PXDNL: variants seen among roughly 807,000 people sequenced by gnomAD.
PXDNL encodes probable oxidoreductase PXDNL.
In PXDNL, 145 loss-of-function variants were observed where a neutral mutation model predicts 150.8. The observed-to-expected ratio is 0.96, with a 90% confidence interval of 0.84 to 1.10. The LOEUF is 1.10. Ranked by LOEUF, PXDNL falls within the 50% of genes least tolerant of loss-of-function variation. PXDNL has a pLI of 0.00. For synonymous variants in PXDNL, 757 were observed against 725.7 expected (o/e 1.04, Z -0.69); for missense variants, 2,087 against 1,873.9 (o/e 1.11, Z -2.10).
At chr8:51,710,257 C>T (rs1388486857) in intron 1 of PXDNL, among the ~76,000 whole-genome samples, 1 of 152,150 alleles carries the variant, frequency 6.6e-6, no homozygotes, top group Non-Finnish European at 1.5e-5. Context: ...AAATAGATTT[C>T]TCCTTCCATT....
At chr8:51,540,184 C>T (rs1812182550) in intron 4 of PXDNL, among the ~76,000 whole-genome samples, 1 of 152,142 alleles carries the variant, frequency 6.6e-6, no homozygotes, top group African/African-American at 2.4e-5. Flanking sequence ...TGGTGTGAGC[C>T]ACTGAGTCTG....
At chr8:51,407,971 C>T in intron 17 of PXDNL, 96 bp downstream of exon 17, 1 of 1,027,776 alleles carries the variant, frequency 9.7e-7, no homozygotes, top group Non-Finnish European at 1.4e-6. Context: ...CTCTGCAGCA[C>T]CCCCAGGGAA....
intron 2 of PXDNL, among the ~76,000 whole-genome samples, chr8:51,613,230 A>T (rs1814055101): frequency 6.6e-6 from 1 of 152,010 alleles, no homozygotes; most frequent in Admixed American, 6.6e-5. Context: ...ATGTATATAT[A>T]TGGCCAGAGG....
chr8:51,690,320 T>C (rs1815967429), intron 1 of PXDNL, among the ~76,000 whole-genome samples: 1 of 152,048 alleles, frequency 6.6e-6, no homozygotes, highest in Admixed American at 6.6e-5. Flanking sequence ...TCCCTCCCCC[T>C]TCCCCACACC....
chr8:51,642,033 A>AG (rs71237225), intron 2 of PXDNL, among the ~76,000 whole-genome samples: 15 of 152,052 alleles, frequency 9.9e-5, no homozygotes, highest in Non-Finnish European at 1.6e-4. Flanking sequence ...GCCATAAAAA[A>AG]GGATGAGTTC....
At chr8:51,700,333 A>G (rs1337976335) in intron 1 of PXDNL, among the ~76,000 whole-genome samples, 1 of 152,030 alleles carries the variant, frequency 6.6e-6, no homozygotes, top group African/African-American at 2.4e-5. Flanking sequence ...AAATACACAC[A>G]TATACACACA....
At chr8:51,555,681 A>G (rs1812584175) in intron 4 of PXDNL, among the ~76,000 whole-genome samples, 1 of 152,204 alleles carries the variant, frequency 6.6e-6, no homozygotes, top group Non-Finnish European at 1.5e-5. Context: ...GCCAATACTT[A>G]AAAACAGTCT....
At chr8:51,775,417 A>G (rs541362707) in intron 1 of PXDNL, among the ~76,000 whole-genome samples, 1 of 152,324 alleles carries the variant, frequency 6.6e-6, no homozygotes, top group African/African-American at 2.4e-5. Flanking sequence ...TCCACATGGA[A>G]TACATTTCTC....
chr8:51,762,517 C>A (rs2037176485), intron 1 of PXDNL, among the ~76,000 whole-genome samples: 1 of 152,188 alleles, frequency 6.6e-6, no homozygotes, highest in South Asian at 2.1e-4. Flanking sequence ...CTCCACAATC[C>A]TTTATCTTTA....
chr8:51,652,396 CTCTCTCTCTTACTGTCTGTCTCTCTG>C (rs1175552639), intron 2 of PXDNL, among the ~76,000 whole-genome samples: 1 of 151,386 alleles, frequency 6.6e-6, no homozygotes, highest in African/African-American at 2.4e-5. Context: ...CTCTCTCTCT[CTCTCTCTCTTACTGTCTGTCTCTCTG>C]TCTCTCTCTC....
chr8:51,764,497 T>C (rs149215403), intron 1 of PXDNL, among the ~76,000 whole-genome samples: 79 of 152,218 alleles, frequency 5.2e-4, no homozygotes, highest in African/African-American at 1.8e-3. Context: ...AGTGTTGTTA[T>C]GTTTTTACTT....
intron 4 of PXDNL, among the ~76,000 whole-genome samples, chr8:51,552,781 T>C (rs974132298): frequency 2.6e-5 from 4 of 152,130 alleles, no homozygotes; most frequent in Non-Finnish European, 5.9e-5. Context: ...CACTAAAGAA[T>C]TTATTCATGT....
chr8:51,477,994 A>AATAAAAGTATACTTTTAGTATAGTATAGT, intron 6 of PXDNL, among the ~76,000 whole-genome samples: 1 of 152,300 alleles, frequency 6.6e-6, no homozygotes, highest in East Asian at 1.9e-4. Context: ...ATGTTCAGAA[A>AATAAAAGTATACTTTTAGTATAGTATAGT]ATAAAAGTAT....
chr8:51,526,201 A>G (rs1811767125), intron 4 of PXDNL, among the ~76,000 whole-genome samples: 1 of 152,174 alleles, frequency 6.6e-6, no homozygotes, highest in African/African-American at 2.4e-5. Flanking sequence ...GCAGCTGGGC[A>G]TGGGGCTGGC....
intron 17 of PXDNL, among the ~76,000 whole-genome samples, chr8:51,388,759 CATCTGTCTGTACT>C (rs1435847610): frequency 6.6e-6 from 1 of 152,100 alleles, no homozygotes; most frequent in South Asian, 2.1e-4. Flanking sequence ...TTATTATTCT[CATCTGTCTGTACT>C]ACACACTGAG....
chr8:51,389,159 C>T (rs1563387401), intron 17 of PXDNL, among the ~76,000 whole-genome samples: 1 of 152,042 alleles, frequency 6.6e-6, no homozygotes, highest in African/African-American at 2.4e-5. Flanking sequence ...TTGTCATTCC[C>T]GTGATTGTCT....
chr8:51,566,551 C>G (rs1356898484), intron 3 of PXDNL, among the ~76,000 whole-genome samples: 1 of 151,646 alleles, frequency 6.6e-6, no homozygotes, highest in African/African-American at 2.4e-5. Context: ...TCCATTTTAT[C>G]TAAGTTACCA....
chr8:51,533,636 G>A lies in PXDNL; in HGVS notation c.380+23204C>T, dbSNP rs192702151. On this transcript the variant is annotated intron_variant, in intron 4 of 22. Coordinates refer to ENST00000356297, the MANE Select transcript of PXDNL (RefSeq NM_144651.5). ...AGCCTGCCGAGTGCCTGCGGACGCC[G>A]CCACGCCTGACTGGTTTTCGTTTTT... 1.1e-4 allele frequency among the ~76,000 whole-genome samples: 16 copies of A among 149,452 alleles called. No individual in the cohort carries two copies. The East Asian group carries it at 2.4e-3, about 22-fold the overall frequency.
At chr8:51,323,762 G>T (rs909089932) in intron 21 of PXDNL, among the ~76,000 whole-genome samples, 1 of 151,442 alleles carries the variant, frequency 6.6e-6, no homozygotes, top group African/African-American at 2.4e-5. Context: ...AAATATACAA[G>T]AAAATTAGCC....
Sources: gnomAD v4.1 joint callset for allele counts (sites outside exome capture counted in the v4.1 genomes callset) on GRCh38, gnomAD v4.1.1 for gene constraint, MANE v1.5 for transcripts, NCBI Gene and HGNC (gene_info 2026-07-23, HGNC 2026-07-21) for gene names.